Variants in NFXL1 observed in about 807,000 individuals in gnomAD.
NFXL1 encodes the protein nuclear transcription factor, X-box binding like 1, also known as NF-X1-type zinc finger protein NFXL1.
A neutral mutation model predicts 123.3 loss-of-function variants in NFXL1; 66 were observed. The observed-to-expected ratio is 0.54, with a 90% confidence interval of 0.44 to 0.66. The LOEUF is 0.66. Among genes scored for constraint, NFXL1 ranks in the 30% least tolerant of loss-of-function variants. The pLI is 0.00. For missense variants in NFXL1, 944 were observed against 1,125.6 expected (o/e 0.84, Z 2.31); for synonymous variants, 346 against 360.8 (o/e 0.96, Z 0.46).
intron 17 of NFXL1, chr4:47,876,992 CA>C: frequency 2.8e-6 from 3 of 1,084,994 alleles, no homozygotes; most frequent in Non-Finnish European, 3.7e-6. Context: ...ACAAAATATG[CA>C]AAAAGAACCA....
chr4:47,856,713 G>A (rs1391260758), intron 19 of NFXL1, among the ~76,000 whole-genome samples: 1 of 152,172 alleles, frequency 6.6e-6, no homozygotes. Context: ...CTCACACTGT[G>A]CACTTCCACT....
At chr4:47,856,053 A>C (rs1385589447) in intron 19 of NFXL1, among the ~76,000 whole-genome samples, 1 of 152,114 alleles carries the variant, frequency 6.6e-6, no homozygotes, top group Non-Finnish European at 1.5e-5. Context: ...GCAAAAAAAC[A>C]ATTTTTTTTA....
chr4:47,880,568 A>G (rs1736033442), intron 15 of NFXL1, among the ~76,000 whole-genome samples: 1 of 152,056 alleles, frequency 6.6e-6, no homozygotes, highest in South Asian at 2.1e-4. Flanking sequence ...AAATGAAAAA[A>G]AAAAGAATTT....
At chr4:47,878,939 A>G (rs1735919074) in intron 16 of NFXL1, among the ~76,000 whole-genome samples, 157 bp downstream of exon 16, 1 of 152,154 alleles carries the variant, frequency 6.6e-6, no homozygotes, top group Non-Finnish European at 1.5e-5. Flanking sequence ...TAAAGGCACT[A>G]CATATTTTTT....
At chr4:47,884,803 G>A (rs1736324639) in intron 14 of NFXL1, among the ~76,000 whole-genome samples, 1 of 152,044 alleles carries the variant, frequency 6.6e-6, no homozygotes, top group South Asian at 2.1e-4. Flanking sequence ...CTAAAAAAAA[G>A]CTTGATATTT....
At chr4:47,879,877 C>CA (rs1024903282) in intron 15 of NFXL1, among the ~76,000 whole-genome samples, 5 of 151,604 alleles carry the variant, frequency 3.3e-5, no homozygotes, top group Middle Eastern at 3.4e-3. Context: ...CACCTGCTTG[C>CA]AAAAAAAACC....
intron 18 of NFXL1, among the ~76,000 whole-genome samples, chr4:47,867,922 T>G (rs1735195860): frequency 6.6e-6 from 1 of 152,166 alleles, no homozygotes; most frequent in Non-Finnish European, 1.5e-5. Flanking sequence ...ACTCACAAGC[T>G]CTCTTGGAGA....
At chr4:47,886,672 G>A (rs1736450204) in intron 12 of NFXL1, among the ~76,000 whole-genome samples, 2 of 152,030 alleles carry the variant, frequency 1.3e-5, no homozygotes, top group Admixed American at 1.3e-4. Flanking sequence ...CCCAGCCTCT[G>A]ATTTATAACA....
At chr4:47,875,100 A>G (rs770418298) in intron 18 of NFXL1, 27 bp downstream of exon 18, 1 of 1,495,942 alleles carries the variant, frequency 6.7e-7, no homozygotes, top group South Asian at 1.2e-5. Flanking sequence ...TTGTAATAAA[A>G]TAAGACTTTT....
intron 14 of NFXL1, 90 bp downstream of exon 14, chr4:47,885,408 C>T: frequency 1.9e-6 from 2 of 1,067,078 alleles, no homozygotes; most frequent in Non-Finnish European, 1.4e-6. Context: ...CCAATAAGTG[C>T]TTAATCATTG....
intron 15 of NFXL1, chr4:47,882,262 T>C (rs1160332724): frequency 6.6e-6 from 1 of 152,202 alleles, no homozygotes. Context: ...AAAAATGGTC[T>C]AATGAAATGT....
chr4:47,896,623 T>A lies in NFXL1; in HGVS notation c.1229A>T (p.Asp410Val). ...KSKFSLPCTEDVPTCGDSCDK... is the reference protein window; with the variant it reads ...KSKFSLPCTEVVPTCGDSCDK... ...ACAACTGTCTCCACAAGTTGGTACA[T>A]CTTCTGTACAAGGCAAAGAAAACTC... The change falls in exon 10 of 23, where the codon GAT becomes GTT. Residue 410 changes from aspartate to valine, a missense_variant. Physicochemically the swap from Asp to Val is radical, Grantham distance 152 (BLOSUM62 -3). Coordinates refer to ENST00000507489, the MANE Select transcript of NFXL1 (RefSeq NM_001278624.2). The A allele has an allele frequency of 6.2e-7, 1 of 1,609,770 alleles. No individual in the cohort carries two copies. The highest frequency in any genetic ancestry group is 8.5e-7 in the Non-Finnish European group (1 of 1,176,180).
At chr4:47,905,448 A>G (rs530190533) in intron 3 of NFXL1, 102 bp from the exon 4 acceptor site, 16 of 557,642 alleles carry the variant, frequency 2.9e-5, no homozygotes, top group African/African-American at 2.7e-4. Flanking sequence ...AGCAATATCA[A>G]TTGCTCAAAA....
At chr4:47,881,166 A>C (rs1736095110) in intron 15 of NFXL1, among the ~76,000 whole-genome samples, 1 of 152,114 alleles carries the variant, frequency 6.6e-6, no homozygotes, top group Non-Finnish European at 1.5e-5. Flanking sequence ...GTTAACAATA[A>C]TATATATTTT....
intron 18 of NFXL1, among the ~76,000 whole-genome samples, chr4:47,873,728 G>C (rs1047397828): frequency 6.6e-6 from 1 of 152,200 alleles, no homozygotes; most frequent in Non-Finnish European, 1.5e-5. Flanking sequence ...AAAGTCACCA[G>C]CTGCATTAGG....
chr4:47,914,104 C>A lies in NFXL1; in HGVS notation c.100G>T (p.Gly34Ter). Residue 34 changes from glycine to a stop codon, truncating the protein, a stop_gained, in exon 2 of 23, where the codon GGA (glycine) becomes TGA (stop). Coordinates refer to ENST00000507489, the MANE Select transcript of NFXL1 (RefSeq NM_001278624.2). LOFTEE classifies it high-confidence loss of function. ...ACCGACCCCTTCTCTCGCCCTCCTCCGGCGCCGCGGAGATGGACTCCATTT... is the reference window on the plus strand; with the variant it reads ...ACCGACCCCTTCTCTCGCCCTCCTCAGGCGCCGCGGAGATGGACTCCATTT... ...SGNGVHLRGA[G>*]GGREKGSVGA... 1 of 1,552,446 alleles carries A rather than the reference C, an allele frequency of 6.4e-7. No homozygotes were observed. Among genetic ancestry groups the A allele is most frequent in the Non-Finnish European group, 8.7e-7 (1 of 1,148,222 alleles).
Position 47,914,446 on chromosome 4 carries a change from G to A in NFXL1, c.-84C>T, listed in dbSNP as rs142124073. The stretch of plus-strand genomic sequence containing the variant: ...AGGACTAGGTACAGAAATAAACCGC[G>A]GAGCAAGAAGCACACAGTGCCGAAG... On this transcript the variant is annotated 5_prime_UTR_variant, in exon 1 of 23. Coordinates refer to ENST00000507489, the MANE Select transcript of NFXL1 (RefSeq NM_001278624.2). 3,577 of 452,452 alleles carry A rather than the reference G, an allele frequency of 7.9e-3. 19 individuals carry two copies. The highest frequency in any genetic ancestry group is 0.012 in the Admixed American group (305 of 26,336). The allele number at this position is 452,452 out of a possible 1,614,324, so 28.0% of individuals were successfully genotyped here. A position where few individuals can be genotyped will look rare whatever the true frequency, so the allele number is the denominator to read the frequency against.
intron 16 of NFXL1, 81 bp from the exon 17 acceptor site, chr4:47,878,746 C>A: frequency 9.8e-7 from 1 of 1,025,250 alleles, no homozygotes; most frequent in East Asian, 2.9e-5. Context: ...AATTACTCTG[C>A]TATCATTTGA....
At chr4:47,881,798 A>G (rs1012296352) in intron 15 of NFXL1, among the ~76,000 whole-genome samples, 2 of 152,182 alleles carry the variant, frequency 1.3e-5, no homozygotes, top group Non-Finnish European at 2.9e-5. Flanking sequence ...ATACACTGTA[A>G]AAGTCCAACT....
Sources: gnomAD v4.1 joint callset for allele counts (sites outside exome capture counted in the v4.1 genomes callset) on GRCh38, gnomAD v4.1.1 for gene constraint, MANE v1.5 for transcripts, NCBI Gene and HGNC (gene_info 2026-07-23, HGNC 2026-07-21) for gene names.